The following GABRP variants were observed in gnomAD, a reference collection of about 807,000 sequenced individuals.
GABRP encodes gamma-aminobutyric acid type A receptor subunit pi.
A neutral mutation model predicts 47.8 loss-of-function variants in GABRP; 52 were observed. The ratio of observed to expected loss-of-function variants is 1.09; its 90% CI spans 0.87 to 1.37. The LOEUF (loss-of-function observed/expected upper bound fraction) is 1.37. GABRP is among the 40% of genes most tolerant of loss of function. The pLI, the probability that GABRP is intolerant of heterozygous loss-of-function variation, is 0.00. For synonymous variants in GABRP, 221 were observed against 205.8 expected (o/e 1.07, Z -0.63); for missense variants, 525 against 542.8 (o/e 0.97, Z 0.33).
In GABRP at chr5:170,813,494, T is replaced by A. The variant is rs1765945441; in HGVS notation, c.*1236T>A. 1 of 152,248 alleles carries A rather than the reference T, an allele frequency of 6.6e-6. No individual in the cohort carries two copies. Among genetic ancestry groups the A allele is most frequent in the Non-Finnish European group, 1.5e-5 (1 of 68,090 alleles). The allele number at this position is 152,248 out of a possible 1,614,324, so 9.4% of individuals were successfully genotyped here. A position where few individuals can be genotyped will look rare whatever the true frequency, so the allele number is the denominator to read the frequency against. On this transcript the variant is annotated 3_prime_UTR_variant, in exon 10 of 10. Coordinates refer to ENST00000265294, the MANE Select transcript of GABRP (RefSeq NM_014211.3). ...ACTTTCTGAGTAACAATGAGATACG[T>A]TACAGAACCTATGTTCAGGTTGCGG...
chr5:170,792,258 C>T (rs1309205788), intron 3 of GABRP, among the ~76,000 whole-genome samples: 26 of 152,104 alleles, frequency 1.7e-4, no homozygotes, highest in Non-Finnish European at 4.4e-5. Context: ...GCCTGGTCAA[C>T]ATGGTGAAAC....
intron 6 of GABRP, among the ~76,000 whole-genome samples, chr5:170,800,091 A>G (rs1006673612): frequency 2.0e-5 from 3 of 152,216 alleles, no homozygotes; most frequent in Non-Finnish European, 2.9e-5. Flanking sequence ...ACTTCAAACA[A>G]TACTACAAGG....
rs141297876 is a variant in GABRP at position 170,788,540 on chromosome 5, C to A, written c.-42-34C>A. ...GCCAGGAGCAGGTGAGCCTGTTGCA[C>A]GGCCTTCCACTTACCTTGCCCCCTG... On this transcript the variant is annotated intron_variant, in intron 1 of 9. Transcript: ENST00000265294. 5.5e-6 allele frequency: 8 copies of A among 1,460,140 alleles called. No homozygotes were observed. The Middle Eastern group carries it at 5.2e-4, about 94-fold the overall frequency. The allele number at this position is 1,460,140 out of a possible 1,614,324, so 90.4% of individuals were successfully genotyped here.
At chr5:170,805,915 C>A in intron 7 of GABRP, 62 bp downstream of exon 7, 1 of 1,567,468 alleles carries the variant, frequency 6.4e-7, no homozygotes, top group Non-Finnish European at 8.7e-7. Flanking sequence ...GGGTTGCTCT[C>A]TGAGTCAGAA....
intron 5 of GABRP, among the ~76,000 whole-genome samples, chr5:170,796,383 T>C (rs1451784768): frequency 6.6e-6 from 1 of 152,212 alleles, no homozygotes; most frequent in East Asian, 1.9e-4. Context: ...GATGTGTGAG[T>C]GTGTGCATGC....
chr5:170,810,800 G>A (rs1239412760), intron 9 of GABRP, among the ~76,000 whole-genome samples: 3 of 152,102 alleles, frequency 2.0e-5, no homozygotes, highest in East Asian at 1.9e-4. Flanking sequence ...AGTGAGTAAT[G>A]TTTCATAGTC....
In GABRP at chr5:170,795,205, C is replaced by CA; in HGVS notation, c.241-2dup. ...ATTTCCATACCCTGCCTCCCCCTCCCAGGACTACACAGCCACCATATACCT... is the reference window on the plus strand; with the variant it reads ...ATTTCCATACCCTGCCTCCCCCTCCCAAGGACTACACAGCCACCATATACCT... On this transcript the variant is annotated splice_polypyrimidine_tract_variant and splice_region_variant and intron_variant, in intron 4 of 9. Transcript: ENST00000265294. 6.2e-7 allele frequency: 1 copy of CA among 1,611,416 alleles called. No homozygotes were observed. The highest frequency in any genetic ancestry group is 1.1e-5 in the South Asian group (1 of 90,940).
intron 6 of GABRP, among the ~76,000 whole-genome samples, chr5:170,801,682 C>T (rs1765595467): frequency 6.6e-6 from 1 of 152,214 alleles, no homozygotes; most frequent in South Asian, 2.1e-4. Context: ...CATTTAAATA[C>T]ATTCAATTCA....
intron 6 of GABRP, among the ~76,000 whole-genome samples, chr5:170,804,185 CATATAT>C (rs70982304): frequency 0.41 from 61,603 of 148,796 alleles, 12,684 homozygotes; most frequent in African/African-American, 0.46. Context: ...TCTTTGTATG[CATATAT>C]ATATATATAT....
chr5:170,795,150 GT>G, intron 4 of GABRP, 57 bp from the exon 5 acceptor site: 1 of 1,222,094 alleles, frequency 8.2e-7, no homozygotes, highest in Non-Finnish European at 1.2e-6. Flanking sequence ...CCTCCATTTG[GT>G]GGGGTTTTCT....
chr5:170,813,509 TC>T lies in GABRP; in HGVS notation c.*1252del, dbSNP rs1470038436. On this transcript the variant is annotated 3_prime_UTR_variant, in exon 10 of 10. Transcript: ENST00000265294. ...ATGAGATACGTTACAGAACCTATGT[TC>T]AGGTTGCGGGTGAGCTGCCCTCTCC... is the stretch of plus-strand genomic sequence containing the variant. 1.3e-5 allele frequency: 2 copies of T among 152,252 alleles called. No homozygotes were observed. Among genetic ancestry groups the T allele is most frequent in the Non-Finnish European group, 2.9e-5 (2 of 68,082 alleles). 9.4% of individuals were successfully genotyped at this position (152,252 alleles called of 1,614,324 possible). A position where few individuals can be genotyped will look rare whatever the true frequency, so the allele number is the denominator to read the frequency against.
Position 170,793,337 on chromosome 5 carries a change from C to A in GABRP, c.173-894C>A, listed in dbSNP as rs71605782. 3.7e-3 allele frequency among the ~76,000 whole-genome samples: 559 copies of A among 152,292 alleles called. 1 individual carries two copies. The highest frequency in any genetic ancestry group is 4.1e-3 in the Non-Finnish European group (281 of 68,026). On this transcript the variant is annotated intron_variant, in intron 3 of 9. Coordinates refer to ENST00000265294, the MANE Select transcript of GABRP (RefSeq NM_014211.3). ...ACATCTCCATATAAAGAGAAGTAAA[C>A]TTCCCTGACCTGGCCTGGCTTCTTG...
chr5:170,794,355 G>A, intron 4 of GABRP, 57 bp downstream of exon 4: 1 of 1,005,856 alleles, frequency 9.9e-7, no homozygotes, highest in Non-Finnish European at 1.5e-6. Context: ...TGTTTAAAGG[G>A]GATATGCTTT....
rs184198018 is a variant in GABRP, at chr5:170,799,400, G to A, written c.541+1852G>A. On this transcript the variant is annotated intron_variant, in intron 6 of 9. Coordinates refer to ENST00000265294, the MANE Select transcript of GABRP (RefSeq NM_014211.3). ...GAACCAGTTTACAGTCCCACCAACAGTGTAAAAGTGTTCCTATTTCTCCAC... is the reference window on the plus strand; with the variant it reads ...GAACCAGTTTACAGTCCCACCAACAATGTAAAAGTGTTCCTATTTCTCCAC... Among the ~76,000 whole-genome samples, 582 of 152,314 alleles carry A rather than the reference G, an allele frequency of 3.8e-3. 7 individuals carry two copies. The highest frequency in any genetic ancestry group is 0.026 in the South Asian group (126 of 4,826).
chr5:170,814,035 G>C lies in GABRP; in HGVS notation c.*1777G>C, dbSNP rs1221985620. The C allele has an allele frequency of 2.0e-5, 3 of 151,992 alleles. No homozygotes were observed. The highest frequency in any genetic ancestry group is 4.8e-5 in the African/African-American group (2 of 41,370). 9.4% of individuals were successfully genotyped at this position (151,992 alleles called of 1,614,324 possible). ...ACTGTGAAATAAATATACCATATTA[G>C]CTACCCACCAAATCAAGTGGTCATC... On this transcript the variant is annotated 3_prime_UTR_variant, in exon 10 of 10. Coordinates refer to ENST00000265294, the MANE Select transcript of GABRP (RefSeq NM_014211.3).
intron 5 of GABRP, among the ~76,000 whole-genome samples, chr5:170,796,683 A>C (rs541008909): frequency 2.0e-5 from 3 of 152,224 alleles, no homozygotes; most frequent in Admixed American, 2.0e-4. Context: ...ACTAGCTCAC[A>C]GTAAGCACTC....
At chr5:170,808,087 T>C (rs1765783721) in intron 7 of GABRP, among the ~76,000 whole-genome samples, 1 of 152,172 alleles carries the variant, frequency 6.6e-6, no homozygotes, top group African/African-American at 2.4e-5. Flanking sequence ...TTCCCACATC[T>C]AGAATACACT....
At chr5:170,784,265 G>T (rs1013437060) in intron 1 of GABRP, among the ~76,000 whole-genome samples, 2 of 152,188 alleles carry the variant, frequency 1.3e-5, no homozygotes, top group Non-Finnish European at 2.9e-5. Flanking sequence ...GGAAAACTGT[G>T]CCTGCATAGG....
intron 6 of GABRP, among the ~76,000 whole-genome samples, chr5:170,803,290 A>G (rs1014832858): frequency 1.3e-5 from 2 of 152,212 alleles, no homozygotes; most frequent in African/African-American, 2.4e-5. Context: ...CACCGGCATC[A>G]CATTTCCCAG....
Sources: gnomAD v4.1 joint callset for allele counts (sites outside exome capture counted in the v4.1 genomes callset) on GRCh38, gnomAD v4.1.1 for gene constraint, MANE v1.5 for transcripts, NCBI Gene and HGNC (gene_info 2026-07-23, HGNC 2026-07-21) for gene names.